Variants in ELMO1 observed in about 807,000 individuals in gnomAD.
ELMO1 encodes the protein engulfment and cell motility 1.
Under a neutral mutation model 98.9 loss-of-function variants are expected in ELMO1, and 26 were observed. The ratio of observed to expected loss-of-function variants is 0.26; its 90% CI spans 0.19 to 0.36. ELMO1 has a LOEUF of 0.36. Ranked by LOEUF, ELMO1 falls within the 10% of genes least tolerant of loss-of-function variation. The probability of loss-of-function intolerance (pLI) is 1.00; values close to 1 mark genes in which losing one functional copy is unlikely to be tolerated. For missense variants in ELMO1, 627 were observed against 935.2 expected, an observed-to-expected ratio of 0.67 and a Z score of 4.30; for synonymous variants, 346 against 346.0, an observed-to-expected ratio of 1.00 and a Z score of 0.00.
chr7:37,425,046 A>C (rs2131544377), intron 1 of ELMO1, among the ~76,000 whole-genome samples: 1 of 152,306 alleles, frequency 6.6e-6, no homozygotes, highest in African/African-American at 2.4e-5. Context: ...AAGACCCAGG[A>C]AATGCTAGGG....
intron 1 of ELMO1, among the ~76,000 whole-genome samples, chr7:37,369,373 G>A (rs926169550): frequency 1.3e-5 from 2 of 152,032 alleles, no homozygotes; most frequent in Non-Finnish European, 2.9e-5. Flanking sequence ...TTCCATGAGC[G>A]TTTCCTTTGA....
At chr7:36,956,541 C>T (rs1788459920) in intron 16 of ELMO1, among the ~76,000 whole-genome samples, 1 of 152,008 alleles carries the variant, frequency 6.6e-6, no homozygotes, top group Non-Finnish European at 1.5e-5. Context: ...GGCTAGACTG[C>T]ATATAAAAAA....
At chr7:37,038,659 C>T (rs549380502) in intron 15 of ELMO1, among the ~76,000 whole-genome samples, 4 of 152,204 alleles carry the variant, frequency 2.6e-5, no homozygotes, top group Non-Finnish European at 5.9e-5. Flanking sequence ...CTCTTCCAAA[C>T]TTAGTGTATT....
intron 13 of ELMO1, among the ~76,000 whole-genome samples, chr7:37,150,297 C>T (rs1202636792): frequency 4.7e-5 from 7 of 148,088 alleles, no homozygotes; most frequent in Non-Finnish European, 8.9e-5. Context: ...TTTTCTTTAA[C>T]AGGCTACATA....
At chr7:36,894,106 G>C (rs1301687666) in intron 17 of ELMO1, among the ~76,000 whole-genome samples, 3 of 152,038 alleles carry the variant, frequency 2.0e-5, no homozygotes, top group African/African-American at 7.2e-5. Context: ...TAAAATATAC[G>C]GGTAACAAAA....
At chr7:36,908,427 G>T (rs1356587066) in intron 16 of ELMO1, among the ~76,000 whole-genome samples, 3 of 152,098 alleles carry the variant, frequency 2.0e-5, no homozygotes, top group African/African-American at 7.2e-5. Context: ...TAGAAGTAAT[G>T]TTTATTTATA....
intron 16 of ELMO1, among the ~76,000 whole-genome samples, chr7:36,899,700 T>TTTTTTTTTTTTTTTTTTTTTTTA (rs60221089): frequency 7.0e-6 from 1 of 143,542 alleles, no homozygotes; most frequent in African/African-American, 2.7e-5. Context: ...TTTTTTTTTT[T>TTTTTTTTTTTTTTTTTTTTTTTA]ACCACTCCTA....
intron 4 of ELMO1, among the ~76,000 whole-genome samples, chr7:37,308,264 C>T (rs186523027): frequency 5.9e-5 from 9 of 152,170 alleles, no homozygotes; most frequent in South Asian, 4.1e-4. Flanking sequence ...GCAATCCAAT[C>T]GTTTGTCATC....
intron 13 of ELMO1, among the ~76,000 whole-genome samples, chr7:37,188,669 G>A (rs1040053673): frequency 2.6e-5 from 4 of 151,996 alleles, no homozygotes; most frequent in African/African-American, 9.7e-5. Flanking sequence ...AACGGCCTAG[G>A]CGTTAGAAAC....
intron 1 of ELMO1, among the ~76,000 whole-genome samples, chr7:37,350,383 A>C (rs569670117): frequency 6.6e-6 from 1 of 152,216 alleles, no homozygotes; most frequent in Non-Finnish European, 1.5e-5. Context: ...GGAAACTTGC[A>C]GAGAAAAGTC....
Position 36,891,691 on chromosome 7 carries a change from C to T in ELMO1, c.1601+3163G>A, listed in dbSNP as rs548927100. Among the ~76,000 whole-genome samples the T allele has an allele frequency of 5.3e-5, 8 of 152,268 alleles. No homozygotes were observed. In the South Asian group the frequency reaches 6.2e-4, roughly 12 times the overall value. On this transcript the variant is annotated intron_variant, in intron 17 of 21. Coordinates refer to ENST00000310758, the MANE Select transcript of ELMO1 (RefSeq NM_014800.11). ...GCATGACTCTGTCAAATCCTTATGA[C>T]AATCCAATGATGTAGACATTTTTGA...
chr7:37,386,176 T>G (rs1251117105), intron 1 of ELMO1, among the ~76,000 whole-genome samples: 1 of 152,212 alleles, frequency 6.6e-6, no homozygotes, highest in Admixed American at 6.5e-5. Context: ...AAATGTGTTT[T>G]CTTTGTGAAG....
At chr7:36,916,678 G>T (rs942822726) in intron 16 of ELMO1, among the ~76,000 whole-genome samples, 1 of 152,220 alleles carries the variant, frequency 6.6e-6, no homozygotes, top group Admixed American at 6.5e-5. Context: ...ATTGAGGAGG[G>T]GGCCTGTGCC....
chr7:37,386,190 C>T (rs965460083), intron 1 of ELMO1, among the ~76,000 whole-genome samples: 4 of 152,096 alleles, frequency 2.6e-5, no homozygotes, highest in Admixed American at 6.6e-5. Flanking sequence ...TGTGAAGAAA[C>T]GGTGTGCAGC....
At chr7:36,973,488 A>G (rs774430083) in intron 16 of ELMO1, among the ~76,000 whole-genome samples, 26 of 152,222 alleles carry the variant, frequency 1.7e-4, no homozygotes, top group Non-Finnish European at 2.9e-4. Context: ...CATGAGAAGG[A>G]AACAAGTTCC....
At chr7:37,240,569 CA>C (rs1217745575) in intron 7 of ELMO1, among the ~76,000 whole-genome samples, 3 of 151,696 alleles carry the variant, frequency 2.0e-5, no homozygotes, top group Non-Finnish European at 4.4e-5. Context: ...AAACTTAGAC[CA>C]TTTTTTTTTA....
chr7:36,926,537 C>T (rs567104165), intron 16 of ELMO1, among the ~76,000 whole-genome samples: 8 of 152,134 alleles, frequency 5.3e-5, no homozygotes, highest in African/African-American at 1.9e-4. Flanking sequence ...TTACCTTTTC[C>T]AGCTTTGGGA....
intron 16 of ELMO1, among the ~76,000 whole-genome samples, chr7:36,901,601 T>G (rs1395588623): frequency 2.6e-5 from 4 of 152,212 alleles, no homozygotes; most frequent in Admixed American, 6.5e-5. Context: ...AACACCTGGC[T>G]TTATAGTTAG....
chr7:36,993,551 T>C (rs1584488384), intron 16 of ELMO1, among the ~76,000 whole-genome samples: 1 of 152,206 alleles, frequency 6.6e-6, no homozygotes, highest in Admixed American at 6.5e-5. Context: ...ATGTGAACCA[T>C]GACCCCTAAG....
Sources: gnomAD v4.1 joint callset for allele counts (sites outside exome capture counted in the v4.1 genomes callset) on GRCh38, gnomAD v4.1.1 for gene constraint, MANE v1.5 for transcripts, NCBI Gene and HGNC (gene_info 2026-07-23, HGNC 2026-07-21) for gene names.